The following STXBP4 variants were observed in gnomAD, a reference collection of about 807,000 sequenced individuals.
STXBP4 encodes syntaxin-binding protein 4.
Under a neutral mutation model 76.1 loss-of-function variants are expected in STXBP4, and 55 were observed. That is an observed-to-expected ratio of 0.72 (90% CI 0.58 to 0.91). The LOEUF (loss-of-function observed/expected upper bound fraction) is 0.91. Ranked by LOEUF, STXBP4 falls within the 40% of genes least tolerant of loss-of-function variation. The pLI, the probability that STXBP4 is intolerant of heterozygous loss-of-function variation, is 0.00. For synonymous variants in STXBP4, 201 were observed against 220.2 expected, an observed-to-expected ratio of 0.91 and a Z score of 0.77; for missense variants, 618 against 636.9, an observed-to-expected ratio of 0.97 and a Z score of 0.32.
rs995555436 is a variant in STXBP4, at chr17:55,169,034, A to G, written c.*9123A>G. 5.3e-5 allele frequency: 8 copies of G among 152,228 alleles called. No individual in the cohort carries two copies. The highest frequency in any genetic ancestry group is 8.8e-5 in the Non-Finnish European group (6 of 68,044). 9.4% of individuals were successfully genotyped at this position (152,228 alleles called of 1,614,324 possible). On this transcript the variant is annotated 3_prime_UTR_variant, in exon 18 of 18. Coordinates refer to ENST00000376352, the MANE Select transcript of STXBP4 (RefSeq NM_178509.6). The stretch of plus-strand genomic sequence containing the variant: ...CACAGGCAAAGACAACCATATCACT[A>G]TGACCACCTGGCTGACAGTAACTGC...
chr17:55,007,571 C>T lies in STXBP4; in HGVS notation c.640C>T (p.Arg214Cys), dbSNP rs751036863. The change falls in exon 8 of 18, where the codon CGC (arginine) becomes TGC (cysteine). Residue 214 changes from arginine to cysteine, a missense_variant. Physicochemically the swap from Arg to Cys is radical, Grantham distance 180 (BLOSUM62 -3). Coordinates refer to ENST00000376352, the MANE Select transcript of STXBP4 (RefSeq NM_178509.6). ...QEKISLNPSV[R>C]FKAEKLEMAL... ...AAAGATCTCCCTAAATCCCTCTGTT[C>T]GCTTTAAGGCAGAGAAACTGGAAAT... The T allele has an allele frequency of 4.0e-5, 64 of 1,600,944 alleles. No individual in the cohort carries two copies. The highest frequency in any genetic ancestry group is 9.0e-5 in the East Asian group (4 of 44,690).
intron 8 of STXBP4, among the ~76,000 whole-genome samples, chr17:55,029,244 G>A (rs2078465609): frequency 6.6e-6 from 1 of 151,948 alleles, no homozygotes. Context: ...TACTCTTTAA[G>A]ATTATGCTTT....
In STXBP4 at chr17:55,166,712, C is replaced by T. The variant is rs2080379116; in HGVS notation, c.*6801C>T. On this transcript the variant is annotated 3_prime_UTR_variant, in exon 18 of 18. Transcript: ENST00000376352. ...ATTTTTACACACCTGCCCAACCCCA[C>T]TTCCCACTCAGGAGTGGTAGAGCAA... 6.6e-6 allele frequency: 1 copy of T among 152,312 alleles called. No individual in the cohort carries two copies. Among genetic ancestry groups the T allele is most frequent in the African/African-American group, 2.4e-5 (1 of 41,460 alleles). The allele number at this position is 152,312 out of a possible 1,614,324, so 9.4% of individuals were successfully genotyped here.
At position 55,031,151 on chromosome 17, in the gene STXBP4, A is replaced by G. The variant is rs1333338763; in HGVS notation, c.667-17A>G. 6.3e-7 allele frequency: 1 copy of G among 1,599,170 alleles called. No individual in the cohort carries two copies. The highest frequency in any genetic ancestry group is 1.3e-5 in the African/African-American group (1 of 74,418). ...GAGATTTGAAAAATTGCTTTTCATG[A>G]GTCCTTTATCTTCCAGGCTCTAAAT... On this transcript the variant is annotated splice_polypyrimidine_tract_variant and intron_variant, in intron 8 of 17. Coordinates refer to ENST00000376352, the MANE Select transcript of STXBP4 (RefSeq NM_178509.6).
At chr17:55,070,056 A>G (rs946400184) in intron 12 of STXBP4, among the ~76,000 whole-genome samples, 2 of 152,132 alleles carry the variant, frequency 1.3e-5, no homozygotes, top group African/African-American at 4.8e-5. Flanking sequence ...TAATATTGTC[A>G]TCTAAAAGTG....
At chr17:55,100,399 C>G (rs1472764588) in intron 16 of STXBP4, among the ~76,000 whole-genome samples, 1 of 152,094 alleles carries the variant, frequency 6.6e-6, no homozygotes, top group Non-Finnish European at 1.5e-5. Flanking sequence ...TACTTATAGC[C>G]TCAATAAGGA....
downstream of STXBP4, among the ~76,000 whole-genome samples, chr17:55,178,112 G>C (rs1330519133): frequency 6.6e-6 from 1 of 152,196 alleles, no homozygotes; most frequent in African/African-American, 2.4e-5. Flanking sequence ...TCAGATGTTG[G>C]TGATATATCA....
chr17:55,016,115 G>A (rs116325459), intron 8 of STXBP4, among the ~76,000 whole-genome samples: 2,157 of 152,262 alleles, frequency 0.014, 41 homozygotes, highest in African/African-American at 0.04. Context: ...AGGGATGCCA[G>A]CACCCCTACT....
intron 10 of STXBP4, among the ~76,000 whole-genome samples, chr17:55,039,333 G>C (rs960878497): frequency 7.6e-6 from 1 of 130,756 alleles, no homozygotes; most frequent in Admixed American, 8.2e-5. Flanking sequence ...AATGCACACA[G>C]AGAGTAGTCT....
At chr17:54,991,652 A>G (rs2077718258) in intron 4 of STXBP4, 1 of 151,622 alleles carries the variant, frequency 6.6e-6, no homozygotes, top group Non-Finnish European at 1.5e-5. Flanking sequence ...CATTTTTTGA[A>G]AATTGCCTCC....
chr17:55,023,686 GGAA>G (rs2078355482), intron 8 of STXBP4, among the ~76,000 whole-genome samples: 1 of 151,540 alleles, frequency 6.6e-6, no homozygotes, highest in African/African-American at 2.4e-5. Context: ...AAGCTAGGAA[GGAA>G]GAAAAAAAAG....
chr17:54,986,496 G>A lies in STXBP4; in HGVS notation c.47+230G>A, dbSNP rs570646935. Among the ~76,000 whole-genome samples, 18 of 152,240 alleles carry A rather than the reference G, an allele frequency of 1.2e-4. No individual in the cohort carries two copies. In the South Asian group the frequency reaches 1.4e-3, roughly 12 times the overall value. On this transcript the variant is annotated intron_variant, in intron 3 of 17. Transcript: ENST00000376352. Reference sequence around the variant, plus strand: ...TGTGCAGGCACGGTAGGGCATGCCTGTAGTCCCAGCTGCTCGGGAGACTAG... The same window carrying A: ...TGTGCAGGCACGGTAGGGCATGCCTATAGTCCCAGCTGCTCGGGAGACTAG...
At chr17:54,970,411 T>G (rs1303188312) in intron 1 of STXBP4, among the ~76,000 whole-genome samples, 14 of 152,320 alleles carry the variant, frequency 9.2e-5, no homozygotes, top group Middle Eastern at 3.4e-3. Context: ...ATGGTCACCT[T>G]GAGTGAGTAA....
the STXBP4 span, among the ~76,000 whole-genome samples, chr17:55,183,075 A>G: frequency 3.9e-5 from 6 of 152,218 alleles, no homozygotes; most frequent in Non-Finnish European, 8.8e-5. Context: ...ATAGAGTTTT[A>G]AATATCTCTA....
intron 12 of STXBP4, among the ~76,000 whole-genome samples, chr17:55,063,947 T>C (rs538322987): frequency 4.8e-4 from 73 of 152,280 alleles, no homozygotes; most frequent in Admixed American, 1.0e-3. Flanking sequence ...GACAAACTAG[T>C]AAATTTTACC....
At chr17:55,123,906 A>G (rs931417888) in intron 16 of STXBP4, among the ~76,000 whole-genome samples, 35 of 152,160 alleles carry the variant, frequency 2.3e-4, no homozygotes, top group African/African-American at 8.2e-4. Flanking sequence ...CTCAAAAAAA[A>G]AAAAGAAGAT....
At chr17:55,023,359 T>A (rs1380814813) in intron 8 of STXBP4, among the ~76,000 whole-genome samples, 1 of 152,222 alleles carries the variant, frequency 6.6e-6, no homozygotes, top group East Asian at 1.9e-4. Flanking sequence ...TATTTGCATG[T>A]ATATGTAATG....
chr17:55,184,133 A>C, the STXBP4 span, among the ~76,000 whole-genome samples: 1 of 152,182 alleles, frequency 6.6e-6, no homozygotes, highest in Admixed American at 6.5e-5. Context: ...CTCATCTGAC[A>C]AATGATGATT....
chr17:55,100,699 T>G (rs1246660351), intron 16 of STXBP4, among the ~76,000 whole-genome samples: 3 of 152,156 alleles, frequency 2.0e-5, no homozygotes, highest in Non-Finnish European at 4.4e-5. Flanking sequence ...CTTTGGGTGG[T>G]TTCCATGATT....
Sources: gnomAD v4.1 joint callset for allele counts (sites outside exome capture counted in the v4.1 genomes callset) on GRCh38, gnomAD v4.1.1 for gene constraint, MANE v1.5 for transcripts, NCBI Gene and HGNC (gene_info 2026-07-23, HGNC 2026-07-21) for gene names.